Variants in MYO16 observed in about 807,000 individuals in gnomAD.
The protein encoded by MYO16 is myosin XVI, also known as unconventional myosin-XVI.
MYO16 carries 94 observed loss-of-function variants against 205.3 expected under a neutral mutation model. The ratio of observed to expected loss-of-function variants is 0.46; its 90% confidence interval spans 0.39 to 0.54. The LOEUF (loss-of-function observed/expected upper bound fraction) is 0.54. Ranked by LOEUF, MYO16 falls within the 20% of genes least tolerant of loss-of-function variation. The probability of loss-of-function intolerance (pLI) is 0.00; values close to 1 mark genes in which losing one functional copy is unlikely to be tolerated. For synonymous variants in MYO16, 988 were observed against 954.0 expected (o/e 1.04, Z -0.66); for missense variants, 2,315 against 2,387.5 (o/e 0.97, Z 0.63).
chr13:108,806,735 T>C lies in MYO16; in HGVS notation c.798T>C (p.His266=). 1 of 1,613,194 alleles carries C rather than the reference T, an allele frequency of 6.2e-7. No individual in the cohort carries two copies. Among genetic ancestry groups the C allele is most frequent in the Non-Finnish European group, 8.5e-7 (1 of 1,179,236 alleles). The change falls in exon 7 of 35, where the codon CAT becomes CAC. Residue 266 remains histidine (H), a synonymous_variant. Coordinates refer to ENST00000457511, the MANE Select transcript of MYO16 (RefSeq NM_001198950.3). Reference sequence around the variant, plus strand: ...AGGTGGTGTCTCTTATCCTGGAACATGGTGGAGACCTCAACATAGTAGATG... The same window carrying C: ...AGGTGGTGTCTCTTATCCTGGAACACGGTGGAGACCTCAACATAGTAGATG... ...YKEVVSLILE[H]GGDLNIVDDQ...
chr13:108,986,546 C>T (rs976066285), intron 20 of MYO16, among the ~76,000 whole-genome samples: 6 of 148,634 alleles, frequency 4.0e-5, no homozygotes, highest in Non-Finnish European at 5.9e-5. Context: ...CACTTGAACC[C>T]GGGAGGCGGA....
At chr13:108,852,037 G>T (rs1187489607) in intron 10 of MYO16, among the ~76,000 whole-genome samples, 1 of 152,054 alleles carries the variant, frequency 6.6e-6, no homozygotes, top group Non-Finnish European at 1.5e-5. Flanking sequence ...CTCTCCCAGA[G>T]ACATCTCTCC....
At chr13:108,793,285 CAAA>C (rs756851025) in intron 5 of MYO16, among the ~76,000 whole-genome samples, 1 of 98,898 alleles carries the variant, frequency 1.0e-5, no homozygotes, top group Admixed American at 1.1e-4. Flanking sequence ...GACTCTGTCT[CAAA>C]AAAAAAAAAA....
At chr13:108,710,097 T>G (rs1883661778) in intron 2 of MYO16, among the ~76,000 whole-genome samples, 1 of 152,134 alleles carries the variant, frequency 6.6e-6, no homozygotes, top group Non-Finnish European at 1.5e-5. Context: ...TGTGCAATGT[T>G]CTTTATGAGT....
chr13:108,691,969 C>A (rs1882914116), intron 2 of MYO16, among the ~76,000 whole-genome samples: 1 of 152,166 alleles, frequency 6.6e-6, no homozygotes, highest in Admixed American at 6.5e-5. Context: ...ACAGGAAGCG[C>A]CCCCTTTCCC....
chr13:108,712,609 C>T (rs746858049), intron 2 of MYO16, 52 bp from the exon 3 acceptor site: 17 of 1,519,384 alleles, frequency 1.1e-5, no homozygotes, highest in Non-Finnish European at 1.6e-5. Context: ...TTTGGTTCCA[C>T]ACGTGGAAGA....
At chr13:109,167,861 A>G (rs892529122) in intron 33 of MYO16, among the ~76,000 whole-genome samples, 1 of 152,194 alleles carries the variant, frequency 6.6e-6, no homozygotes. Context: ...GTAATAATGA[A>G]AGGGAGTTAA....
Position 108,666,108 on chromosome 13 carries a change from A to T in MYO16, c.251A>T (p.Asp84Val). ...KNPKVHFNLT[D>V]MLQDAIIHHN... ...CCGAAAGTTCACTTCAACCTCACGG[A>T]CATGCTACAGGACGCGATTATCCAC... The change falls in exon 2 of 35, where the codon GAC becomes GTC. Residue 84 changes from aspartate (D) to valine (V), a missense_variant. Asp to Val is a radical substitution (Grantham distance 152, BLOSUM62 -3). Around this residue, in one of 3 missense-constraint regions of MYO16, gnomAD observed 1,213 missense variants for 1,274.4 expected, o/e 0.95. Coordinates refer to ENST00000457511, the MANE Select transcript of MYO16 (RefSeq NM_001198950.3). 1 of 1,613,812 alleles carries T rather than the reference A, an allele frequency of 6.2e-7. No individual in the cohort carries two copies. Among genetic ancestry groups the T allele is most frequent in the Non-Finnish European group, 8.5e-7 (1 of 1,179,760 alleles).
chr13:109,151,866 A>G (rs898396468), intron 32 of MYO16, among the ~76,000 whole-genome samples: 1 of 152,192 alleles, frequency 6.6e-6, no homozygotes, highest in African/African-American at 2.4e-5. Context: ...CTATGAAGTT[A>G]CTTGCTGAGG....
intron 4 of MYO16, among the ~76,000 whole-genome samples, chr13:108,748,609 TC>T (rs1485780769): frequency 6.6e-6 from 1 of 152,134 alleles, no homozygotes; most frequent in Non-Finnish European, 1.5e-5. Context: ...ACACAGGTTT[TC>T]CTGAAAGAAT....
At chr13:109,111,340 T>A (rs982329761) in intron 28 of MYO16, among the ~76,000 whole-genome samples, 6 of 152,154 alleles carry the variant, frequency 3.9e-5, no homozygotes, top group Admixed American at 2.6e-4. Context: ...TCAGAACACA[T>A]GAAAAGATTG....
At chr13:108,907,078 A>G (rs1052863303) in intron 15 of MYO16, among the ~76,000 whole-genome samples, 1 of 152,144 alleles carries the variant, frequency 6.6e-6, no homozygotes, top group Non-Finnish European at 1.5e-5. Context: ...GTGGTCGTGT[A>G]CCCATAACTA....
chr13:109,167,646 C>A (rs1211082424), intron 33 of MYO16, among the ~76,000 whole-genome samples: 1 of 152,070 alleles, frequency 6.6e-6, no homozygotes, highest in Non-Finnish European at 1.5e-5. Flanking sequence ...AAACAGAAAC[C>A]TTTGCAAAGC....
In MYO16 at chr13:108,742,407, T is replaced by A. The variant is rs554124861; in HGVS notation, c.507+14824T>A. Reference sequence around the variant, plus strand: ...GAATACTTTAATGCATGATAATTTTTATATGTACTCAGTTATATGATTATA... The same window carrying A: ...GAATACTTTAATGCATGATAATTTTAATATGTACTCAGTTATATGATTATA... On this transcript the variant is annotated intron_variant, in intron 4 of 34. Coordinates refer to ENST00000457511, the MANE Select transcript of MYO16 (RefSeq NM_001198950.3). 1.2e-4 allele frequency among the ~76,000 whole-genome samples: 19 copies of A among 152,340 alleles called. No individual in the cohort carries two copies. In the South Asian group the frequency reaches 3.5e-3, roughly 28 times the overall value.
At chr13:108,761,061 A>G (rs1287309147) in intron 4 of MYO16, among the ~76,000 whole-genome samples, 1 of 152,218 alleles carries the variant, frequency 6.6e-6, no homozygotes, top group African/African-American at 2.4e-5. Flanking sequence ...CACATGCATC[A>G]CACACACCTT....
chr13:108,838,359 A>G (rs1260471246), intron 9 of MYO16, among the ~76,000 whole-genome samples: 1 of 152,156 alleles, frequency 6.6e-6, no homozygotes, highest in Non-Finnish European at 1.5e-5. Context: ...CAAATTATAA[A>G]AAAAATAGGG....
intron 28 of MYO16, among the ~76,000 whole-genome samples, chr13:109,113,138 A>C (rs1875489580): frequency 6.6e-6 from 1 of 152,258 alleles, no homozygotes; most frequent in Admixed American, 6.5e-5. Flanking sequence ...ATATAGTTGG[A>C]GAGTAAGTAA....
At chr13:108,519,626 T>TACACACACACACAC in the MYO16 span, among the ~76,000 whole-genome samples, 2 of 108,436 alleles carry the variant, frequency 1.8e-5, no homozygotes, top group African/African-American at 5.7e-5. Context: ...ATATGCAAAA[T>TACACACACACACAC]ACACACACAC....
chr13:108,636,280 C>G (rs1237000192), intron 1 of MYO16, among the ~76,000 whole-genome samples: 5 of 149,962 alleles, frequency 3.3e-5, no homozygotes, highest in African/African-American at 1.2e-4. Context: ...TAGATATTCT[C>G]AAATATTTAC....
Sources: allele counts gnomAD v4.1 joint callset (sites outside exome capture counted in the v4.1 genomes callset), GRCh38; gene constraint gnomAD v4.1.1; regional missense constraint gnomAD v4.1.1; transcripts MANE v1.5; gene names NCBI Gene and HGNC (gene_info 2026-07-23, HGNC 2026-07-21).